POFUT3: variants seen among roughly 807,000 people sequenced by gnomAD.
The protein encoded by POFUT3 is GDP-fucose protein O-fucosyltransferase 3.
At chr8:33,399,359 G>A in the POFUT3 span, among the ~76,000 whole-genome samples, 4 of 152,120 alleles carry the variant, frequency 2.6e-5, no homozygotes, top group Admixed American at 6.6e-5. Flanking sequence ...AGTAATCCTT[G>A]TGCTCTCTGG....
At chr8:33,470,977 A>G in the POFUT3 span, among the ~76,000 whole-genome samples, 3 of 152,304 alleles carry the variant, frequency 2.0e-5, no homozygotes, top group African/African-American at 2.4e-5. Context: ...AATTGTATAT[A>G]ACAGGTTTAG....
the POFUT3 span, among the ~76,000 whole-genome samples, chr8:33,390,546 T>C: frequency 7.4e-5 from 7 of 94,976 alleles, no homozygotes; most frequent in Admixed American, 1.2e-4. Context: ...GTTGATTAAC[T>C]GCAAAAAAAA....
chr8:33,330,571 G>A, the POFUT3 span, among the ~76,000 whole-genome samples: 1 of 152,150 alleles, frequency 6.6e-6, no homozygotes, highest in Non-Finnish European at 1.5e-5. Context: ...AATGCTTGTT[G>A]GCCTGATAAT....
chr8:33,463,051 A>G, the POFUT3 span, among the ~76,000 whole-genome samples: 1 of 152,180 alleles, frequency 6.6e-6, no homozygotes, highest in Non-Finnish European at 1.5e-5. Context: ...GGAAGGGTCA[A>G]CTTTCCAGAG....
At chr8:33,370,634 T>C in the POFUT3 span, among the ~76,000 whole-genome samples, 11 of 152,210 alleles carry the variant, frequency 7.2e-5, no homozygotes, top group Non-Finnish European at 1.3e-4. Flanking sequence ...ATGGACTTGA[T>C]GAAGAACTAA....
the POFUT3 span, among the ~76,000 whole-genome samples, chr8:33,397,872 A>G: frequency 6.6e-6 from 1 of 152,202 alleles, no homozygotes; most frequent in Non-Finnish European, 1.5e-5. Flanking sequence ...ATTGCAGTCA[A>G]CATATCTGGA....
the POFUT3 span, among the ~76,000 whole-genome samples, chr8:33,456,771 CTTTT>C: frequency 2.6e-5 from 3 of 117,316 alleles, no homozygotes; most frequent in Admixed American, 8.7e-5. Context: ...TTTCTTTTTT[CTTTT>C]TTTTTTTTTT....
At chr8:33,355,496 C>A in the POFUT3 span, among the ~76,000 whole-genome samples, 1 of 152,236 alleles carries the variant, frequency 6.6e-6, no homozygotes, top group African/African-American at 2.4e-5. Flanking sequence ...GCTACCTAGG[C>A]ATCCCTTAGT....
chr8:33,406,677 T>C, the POFUT3 span, among the ~76,000 whole-genome samples: 1 of 152,050 alleles, frequency 6.6e-6, no homozygotes, highest in South Asian at 2.1e-4. Context: ...CAAACAATCC[T>C]GCCTCAGCCT....
the POFUT3 span, among the ~76,000 whole-genome samples, chr8:33,346,163 G>GAAAA: frequency 1.4e-5 from 2 of 138,406 alleles, no homozygotes; most frequent in African/African-American, 2.7e-5. Flanking sequence ...GCAGTGGAAA[G>GAAAA]AAAAAAAAAA....
the POFUT3 span, among the ~76,000 whole-genome samples, chr8:33,381,497 T>C: frequency 2.6e-5 from 4 of 152,202 alleles, no homozygotes; most frequent in African/African-American, 9.7e-5. Flanking sequence ...CCTTCATAGA[T>C]AGTAGATAAA....
the POFUT3 span, among the ~76,000 whole-genome samples, chr8:33,346,988 C>G: frequency 0.015 from 2,340 of 152,258 alleles, 58 homozygotes; most frequent in African/African-American, 0.053. Context: ...TTATAATACA[C>G]TATTGGCATT....
the POFUT3 span, among the ~76,000 whole-genome samples, chr8:33,424,590 G>A: frequency 2.0e-5 from 3 of 152,218 alleles, no homozygotes; most frequent in East Asian, 1.9e-4. Context: ...GCCCGGCCAC[G>A]GACTGTGTAC....
At chr8:33,359,310 G>A in the POFUT3 span, among the ~76,000 whole-genome samples, 3 of 152,158 alleles carry the variant, frequency 2.0e-5, no homozygotes, top group Non-Finnish European at 4.4e-5. Flanking sequence ...TGAGGAAGAA[G>A]GATCTCTAAG....
the POFUT3 span, among the ~76,000 whole-genome samples, chr8:33,434,915 A>T: frequency 6.6e-6 from 1 of 152,158 alleles, no homozygotes; most frequent in African/African-American, 2.4e-5. Context: ...GTGCAGGTGC[A>T]CTGGCTCACT....
chr8:33,467,912 C>G, the POFUT3 span, among the ~76,000 whole-genome samples: 2 of 152,032 alleles, frequency 1.3e-5, no homozygotes, highest in African/African-American at 4.8e-5. Context: ...AATGAGAAAC[C>G]AACCTTAGGT....
the POFUT3 span, among the ~76,000 whole-genome samples, chr8:33,461,183 AAGGAAGGAAGGGAGGGAGGGAGGGAGGG>A: frequency 1.0e-4 from 4 of 39,794 alleles, no homozygotes; most frequent in East Asian, 8.1e-4. Flanking sequence ...GGAAGGAAGG[AAGGAAGGAAGGGAGGGAGGGAGGGAGGG>A]AGGGAGGGAG....
the POFUT3 span, among the ~76,000 whole-genome samples, chr8:33,308,270 A>G: frequency 6.6e-6 from 1 of 152,232 alleles, no homozygotes; most frequent in Non-Finnish European, 1.5e-5. Context: ...GTAGCTACCA[A>G]GCCAACAAAG....
At chr8:33,363,912 T>C in the POFUT3 span, among the ~76,000 whole-genome samples, 258 of 152,286 alleles carry the variant, frequency 1.7e-3, 2 homozygotes, top group African/African-American at 6.0e-3. Context: ...CCTCCCTAAC[T>C]CATTTTATGA....
Sources: allele counts gnomAD v4.1 joint callset (sites outside exome capture counted in the v4.1 genomes callset), GRCh38; gene constraint gnomAD v4.1.1; transcripts MANE v1.5; gene names NCBI Gene and HGNC (gene_info 2026-07-23, HGNC 2026-07-21).